The following RBFOX1 variants were observed in gnomAD, a reference collection of about 807,000 sequenced individuals.
The protein encoded by RBFOX1 is RNA binding protein fox-1 homolog 1.
A neutral mutation model predicts 57.7 loss-of-function variants in RBFOX1; 8 were observed. The observed-to-expected ratio is 0.14, with a 90% CI of 0.08 to 0.25. The LOEUF is 0.25. RBFOX1 is among the 10% of genes least tolerant of loss of function. The pLI is 1.00. For missense variants in RBFOX1, 611 were observed against 548.5 expected, an observed-to-expected ratio of 1.11 and a Z score of -1.14; for synonymous variants, 326 against 222.4, an observed-to-expected ratio of 1.47 and a Z score of -4.15.
intron 3 of RBFOX1, among the ~76,000 whole-genome samples, chr16:5,785,757 C>T (rs978676114): frequency 2.0e-5 from 3 of 152,102 alleles, no homozygotes; most frequent in African/African-American, 7.2e-5. Flanking sequence ...GAACTCCCGA[C>T]CTCAGGTGAT....
intron 2 of RBFOX1, among the ~76,000 whole-genome samples, chr16:6,528,931 A>G (rs1051028044): frequency 5.9e-5 from 9 of 152,176 alleles, no homozygotes; most frequent in African/African-American, 1.7e-4. Context: ...TATTAAATGA[A>G]CAGGTAAAAT....
At chr16:6,815,551 C>T (rs1161019301) in intron 3 of RBFOX1, among the ~76,000 whole-genome samples, 1 of 152,186 alleles carries the variant, frequency 6.6e-6, no homozygotes, top group Non-Finnish European at 1.5e-5. Flanking sequence ...TTATGCCAGT[C>T]TCTATCCATA....
intron 1 of RBFOX1, among the ~76,000 whole-genome samples, chr16:5,370,471 T>C (rs2065830081): frequency 6.6e-6 from 1 of 151,386 alleles, no homozygotes; most frequent in Admixed American, 6.6e-5. Context: ...TCTTTTTTTT[T>C]TTTTTGGCTT....
chr16:6,623,233 G>T (rs536847564), intron 2 of RBFOX1, among the ~76,000 whole-genome samples: 1 of 152,082 alleles, frequency 6.6e-6, no homozygotes. Context: ...GATTATCTGG[G>T]AGGGGGCTGC....
chr16:6,028,696 T>C (rs1319092687), intron 1 of RBFOX1, among the ~76,000 whole-genome samples: 3 of 151,992 alleles, frequency 2.0e-5, no homozygotes, highest in Admixed American at 6.6e-5. Context: ...AAAAAGAACA[T>C]GAAGCTCTTT....
At chr16:7,703,808 A>T (rs1401229772) in intron 14 of RBFOX1, among the ~76,000 whole-genome samples, 1 of 152,214 alleles carries the variant, frequency 6.6e-6, no homozygotes, top group East Asian at 1.9e-4. Flanking sequence ...TATCCATTTG[A>T]ACTACATCTG....
chr16:5,528,140 A>G lies in RBFOX1; in HGVS notation c.258+60886A>G, dbSNP rs182429315. 7.2e-4 allele frequency among the ~76,000 whole-genome samples: 110 copies of G among 152,242 alleles called. 1 individual carries two copies. The highest frequency in any genetic ancestry group is 1.3e-3 in the Non-Finnish European group (87 of 68,000). On this transcript the variant is annotated intron_variant, in intron 2 of 2. Transcript: ENST00000585867. ...ATTTCAGAGTGTCTGAATACTGTCT[A>G]TATGCCCAGGGCTGCACTTCTGGGT... is the stretch of plus-strand genomic sequence containing the variant.
intron 4 of RBFOX1, among the ~76,000 whole-genome samples, chr16:5,875,540 A>G (rs2057584568): frequency 6.6e-6 from 1 of 152,220 alleles, no homozygotes; most frequent in South Asian, 2.1e-4. Context: ...CAATAAGCAT[A>G]TTATTTGGTG....
chr16:7,207,933 A>G (rs991648141), intron 4 of RBFOX1, among the ~76,000 whole-genome samples: 3 of 152,118 alleles, frequency 2.0e-5, no homozygotes, highest in East Asian at 1.9e-4. Context: ...CTTCCTCTCA[A>G]TCTTAGTCCT....
At chr16:6,485,662 C>A (rs1013334528) in intron 2 of RBFOX1, among the ~76,000 whole-genome samples, 1 of 152,140 alleles carries the variant, frequency 6.6e-6, no homozygotes, top group African/African-American at 2.4e-5. Flanking sequence ...TCTTTTTAAC[C>A]AAGCAACTAG....
intron 4 of RBFOX1, among the ~76,000 whole-genome samples, chr16:5,929,222 T>A (rs925988642): frequency 6.6e-6 from 1 of 152,132 alleles, no homozygotes; most frequent in African/African-American, 2.4e-5. Flanking sequence ...CCAGCACCTC[T>A]GTGCCACTTT....
chr16:6,460,150 C>G (rs1169749625), intron 2 of RBFOX1, among the ~76,000 whole-genome samples: 3 of 150,904 alleles, frequency 2.0e-5, no homozygotes, highest in African/African-American at 4.9e-5. Flanking sequence ...AGTTTATTTT[C>G]TCATAGTTCT....
chr16:6,973,594 G>T (rs74010410), intron 3 of RBFOX1, among the ~76,000 whole-genome samples: 4,438 of 152,218 alleles, frequency 0.029, 227 homozygotes, highest in African/African-American at 0.1. Context: ...TGTAAATGGT[G>T]AGGACTTTTT....
chr16:6,353,436 CT>C (rs1443297886), intron 2 of RBFOX1, among the ~76,000 whole-genome samples: 1 of 151,496 alleles, frequency 6.6e-6, no homozygotes, highest in African/African-American at 2.4e-5. Flanking sequence ...ACAAATATAA[CT>C]TGTCATTTAT....
chr16:5,239,946 G>C, exon 1 of RBFOX1: 1 of 1,527,684 alleles, frequency 6.5e-7, no homozygotes, highest in Non-Finnish European at 8.8e-7. Context: ...GGGATGGCCG[G>C]CCCAGGAGGG....
chr16:6,243,094 A>T (rs189183698), intron 1 of RBFOX1, among the ~76,000 whole-genome samples: 23 of 152,036 alleles, frequency 1.5e-4, no homozygotes, highest in African/African-American at 4.8e-4. Context: ...GAGTCTTATG[A>T]TATTCTTATT....
chr16:7,294,702 G>T (rs1025463926), intron 4 of RBFOX1, among the ~76,000 whole-genome samples: 1 of 152,076 alleles, frequency 6.6e-6, no homozygotes, highest in South Asian at 2.1e-4. Context: ...AAGAAAGCTT[G>T]AAGATAAAAT....
intron 1 of RBFOX1, among the ~76,000 whole-genome samples, chr16:6,275,168 G>T (rs1381104731): frequency 6.6e-6 from 1 of 152,026 alleles, no homozygotes; most frequent in East Asian, 1.9e-4. Context: ...GTATATAGCT[G>T]AGCATGGTGG....
intron 3 of RBFOX1, among the ~76,000 whole-genome samples, chr16:6,686,042 A>G (rs892823113): frequency 2.0e-5 from 3 of 152,308 alleles, no homozygotes; most frequent in East Asian, 3.9e-4. Context: ...TTATTTGAAA[A>G]TGTCCCATAT....
Sources: gnomAD v4.1 joint callset for allele counts (sites outside exome capture counted in the v4.1 genomes callset) on GRCh38, gnomAD v4.1.1 for gene constraint, MANE v1.5 for transcripts, NCBI Gene and HGNC (gene_info 2026-07-23, HGNC 2026-07-21) for gene names.